The following LRRTM3 variants were observed in gnomAD, a reference collection of about 807,000 sequenced individuals.
The protein encoded by LRRTM3 is leucine-rich repeat transmembrane neuronal protein 3.
Under a neutral mutation model 44.7 loss-of-function variants are expected in LRRTM3, and 24 were observed. The observed-to-expected ratio is 0.54, with a 90% confidence interval of 0.39 to 0.76. The LOEUF (loss-of-function observed/expected upper bound fraction) is 0.76, where lower values mean the gene tolerates loss of function less well. Among genes scored for constraint, LRRTM3 ranks in the 30% least tolerant of loss-of-function variants. LRRTM3 has a pLI of 0.00. For synonymous variants in LRRTM3, 277 were observed against 278.7 expected, an observed-to-expected ratio of 0.99 and a Z score of 0.06; for missense variants, 587 against 702.2, an observed-to-expected ratio of 0.84 and a Z score of 1.85.
intron 2 of LRRTM3, among the ~76,000 whole-genome samples, chr10:67,024,571 G>A (rs1471547980): frequency 1.3e-5 from 2 of 152,118 alleles, no homozygotes; most frequent in African/African-American, 4.8e-5. Context: ...ATTATGTTTT[G>A]GAGTTATGCT....
intron 2 of LRRTM3, among the ~76,000 whole-genome samples, chr10:67,092,316 A>G (rs979501423): frequency 6.6e-6 from 1 of 152,002 alleles, no homozygotes; most frequent in East Asian, 1.9e-4. Context: ...AGATATTTAT[A>G]CATACTAAAA....
intron 2 of LRRTM3, among the ~76,000 whole-genome samples, chr10:66,958,708 T>A (rs1342232414): frequency 6.6e-6 from 1 of 152,098 alleles, no homozygotes; most frequent in African/African-American, 2.4e-5. Flanking sequence ...GAGCCAAATT[T>A]GACAAAGGAA....
chr10:67,070,200 A>C (rs1377390086), intron 2 of LRRTM3, among the ~76,000 whole-genome samples: 1 of 152,090 alleles, frequency 6.6e-6, no homozygotes, highest in African/African-American at 2.4e-5. Context: ...ATATCCTCTT[A>C]TGTGAAGTGT....
intron 1 of LRRTM3, 128 bp from the exon 2 acceptor site, chr10:66,926,793 T>C (rs1847102683): frequency 1.0e-6 from 1 of 966,248 alleles, no homozygotes; most frequent in Non-Finnish European, 1.5e-6. Context: ...TACAAAGAGA[T>C]AATATGTGAT....
chr10:67,009,509 T>C (rs1852194553), intron 2 of LRRTM3, among the ~76,000 whole-genome samples: 1 of 152,114 alleles, frequency 6.6e-6, no homozygotes, highest in Non-Finnish European at 1.5e-5. Flanking sequence ...TTCTCATAGA[T>C]ATTTTTTCAG....
intron 2 of LRRTM3, among the ~76,000 whole-genome samples, chr10:67,016,785 G>T (rs1852686592): frequency 6.6e-6 from 1 of 152,128 alleles, no homozygotes; most frequent in Non-Finnish European, 1.5e-5. Flanking sequence ...CTTTCTTGGA[G>T]ATGACAATAT....
At chr10:66,989,322 T>A (rs186668391) in intron 2 of LRRTM3, among the ~76,000 whole-genome samples, 1 of 152,302 alleles carries the variant, frequency 6.6e-6, no homozygotes, top group African/African-American at 2.4e-5. Flanking sequence ...GTCAACTTAT[T>A]CCCTAAAAGT....
intron 2 of LRRTM3, among the ~76,000 whole-genome samples, chr10:67,083,592 T>A (rs1857155354): frequency 6.6e-6 from 1 of 152,188 alleles, no homozygotes; most frequent in South Asian, 2.1e-4. Flanking sequence ...GAGAAGAAGC[T>A]AAGAATTATT....
intron 2 of LRRTM3, among the ~76,000 whole-genome samples, chr10:67,005,552 T>C (rs1333314173): frequency 1.3e-5 from 2 of 151,878 alleles, no homozygotes; most frequent in Admixed American, 6.6e-5. Flanking sequence ...AAGGAATAGA[T>C]AAGGGAAGAG....
chr10:66,983,679 G>A (rs1850572351), intron 2 of LRRTM3, among the ~76,000 whole-genome samples: 1 of 152,170 alleles, frequency 6.6e-6, no homozygotes, highest in African/African-American at 2.4e-5. Context: ...ATGACCTCAG[G>A]TGGAGGGAGG....
At chr10:67,067,344 A>G (rs1477341880) in intron 2 of LRRTM3, among the ~76,000 whole-genome samples, 1 of 152,196 alleles carries the variant, frequency 6.6e-6, no homozygotes. Flanking sequence ...TAAACCATAT[A>G]CTAAGCAAAA....
At chr10:67,055,089 T>C (rs1395025450) in intron 2 of LRRTM3, 1 of 152,158 alleles carries the variant, frequency 6.6e-6, no homozygotes, top group Non-Finnish European at 1.5e-5. Context: ...AAATGAAAGA[T>C]GACATATTTT....
chr10:67,024,914 T>C (rs1853259703), intron 2 of LRRTM3, among the ~76,000 whole-genome samples: 1 of 151,976 alleles, frequency 6.6e-6, no homozygotes, highest in South Asian at 2.1e-4. Context: ...GCGGATCACC[T>C]GAGGTCCGGA....
chr10:66,961,684 G>A (rs1849115811), intron 2 of LRRTM3, among the ~76,000 whole-genome samples: 2 of 152,012 alleles, frequency 1.3e-5, no homozygotes, highest in Non-Finnish European at 2.9e-5. Flanking sequence ...CTGAATTCTA[G>A]ATTTGTATAT....
In LRRTM3 at chr10:67,019,083, T is replaced by C. The variant is rs139488782; in HGVS notation, c.1537-78504T>C. Among the ~76,000 whole-genome samples, 509 of 152,332 alleles carry C rather than the reference T, an allele frequency of 3.3e-3. 1 individual carries two copies. Among genetic ancestry groups the C allele is most frequent in the Non-Finnish European group, 5.6e-3 (383 of 68,026 alleles). The stretch of plus-strand genomic sequence containing the variant: ...GTGCCTGCACTTACTAAATATTTTC[T>C]GAGTTAATTAATGAATCAAGTTCAA... On this transcript the variant is annotated intron_variant, in intron 2 of 2. Transcript: ENST00000361320.
At position 67,018,120 on chromosome 10, in the gene LRRTM3, A is replaced by G. The variant is rs925303715; in HGVS notation, c.1537-79467A>G. 3.9e-5 allele frequency among the ~76,000 whole-genome samples: 6 copies of G among 152,284 alleles called. No homozygotes were observed. In the East Asian group the frequency reaches 1.2e-3, roughly 29 times the overall value. On this transcript the variant is annotated intron_variant, in intron 2 of 2. Coordinates refer to ENST00000361320, the MANE Select transcript of LRRTM3 (RefSeq NM_178011.5). ...TTTTAACTTAAAATATATAAATGTTAATTCACTTTTCAAGTGTTTACAGTA... is the reference window on the plus strand; with the variant it reads ...TTTTAACTTAAAATATATAAATGTTGATTCACTTTTCAAGTGTTTACAGTA...
intron 2 of LRRTM3, among the ~76,000 whole-genome samples, chr10:67,090,215 C>G (rs766388560): frequency 1.3e-5 from 2 of 152,038 alleles, no homozygotes; most frequent in Admixed American, 6.6e-5. Flanking sequence ...ACTCTTCTTT[C>G]TATGCCTTGT....
chr10:66,998,627 T>C (rs1168292834), intron 2 of LRRTM3, among the ~76,000 whole-genome samples: 1 of 152,134 alleles, frequency 6.6e-6, no homozygotes, highest in Non-Finnish European at 1.5e-5. Context: ...AAGAAGTTTC[T>C]ATGGAACAAT....
chr10:67,034,487 T>G (rs1853922760), intron 2 of LRRTM3, among the ~76,000 whole-genome samples: 1 of 152,342 alleles, frequency 6.6e-6, no homozygotes, highest in Non-Finnish European at 1.5e-5. Context: ...CTCTAGTGTC[T>G]TAGGCTCTCC....
Sources: gnomAD v4.1 joint callset for allele counts (sites outside exome capture counted in the v4.1 genomes callset) on GRCh38, gnomAD v4.1.1 for gene constraint, MANE v1.5 for transcripts, NCBI Gene and HGNC (gene_info 2026-07-23, HGNC 2026-07-21) for gene names.